The following NRXN3 variants were observed in gnomAD, a reference collection of about 807,000 sequenced individuals.
The protein encoded by NRXN3 is neurexin 3, also known as neurexin III.
Under a neutral mutation model 137.6 loss-of-function variants are expected in NRXN3, and 32 were observed. The observed-to-expected ratio is 0.23, with a 90% CI of 0.18 to 0.31. The LOEUF (loss-of-function observed/expected upper bound fraction) is 0.31. Ranked by LOEUF, NRXN3 falls within the 10% of genes least tolerant of loss-of-function variation. The pLI is 1.00. For missense variants in NRXN3, 1,574 were observed against 2,062.5 expected, an observed-to-expected ratio of 0.76 and a Z score of 4.59; for synonymous variants, 798 against 784.5, an observed-to-expected ratio of 1.02 and a Z score of -0.29.
At chr14:78,561,993 T>C (rs112813544) in intron 4 of NRXN3, among the ~76,000 whole-genome samples, 2,622 of 152,318 alleles carry the variant, frequency 0.017, 68 homozygotes, top group African/African-American at 0.06. Flanking sequence ...TGCACTCTTC[T>C]GCAATGTATC....
At chr14:78,273,535 G>T (rs550221389) in intron 2 of NRXN3, among the ~76,000 whole-genome samples, 1 of 152,182 alleles carries the variant, frequency 6.6e-6, no homozygotes, top group Non-Finnish European at 1.5e-5. Context: ...TCCTTGCCTT[G>T]CTGCCTCCCC....
At chr14:78,939,900 G>A (rs370732917) in intron 10 of NRXN3, among the ~76,000 whole-genome samples, 4 of 152,068 alleles carry the variant, frequency 2.6e-5, no homozygotes, top group South Asian at 4.1e-4. Flanking sequence ...TGCTCCCTAC[G>A]CTTTAATCCA....
chr14:79,048,852 G>A lies in NRXN3; in HGVS notation c.3262+60711G>A, dbSNP rs375658436. Among the ~76,000 whole-genome samples the A allele has an allele frequency of 3.3e-3, 486 of 148,142 alleles. 2 individuals are homozygous for A. The highest frequency in any genetic ancestry group is 0.011 in the African/African-American group (442 of 40,210). Reference sequence around the variant, plus strand: ...ATCCTGGCTAACACGGTGAAACCCCGTCTCTACTAAAAATACAAAAATTAG... The same window carrying A: ...ATCCTGGCTAACACGGTGAAACCCCATCTCTACTAAAAATACAAAAATTAG... On this transcript the variant is annotated intron_variant, in intron 15 of 20. Coordinates refer to ENST00000335750, the MANE Select transcript of NRXN3 (RefSeq NM_001330195.2).
intron 4 of NRXN3, among the ~76,000 whole-genome samples, chr14:78,562,352 G>A (rs577202458): frequency 5.6e-5 from 8 of 143,172 alleles, no homozygotes; most frequent in East Asian, 4.2e-4. Context: ...ACCCAAGATC[G>A]CGCCACTGCA....
chr14:79,058,594 G>T (rs1188676426), intron 15 of NRXN3, among the ~76,000 whole-genome samples: 4 of 152,098 alleles, frequency 2.6e-5, no homozygotes, highest in African/African-American at 9.7e-5. Context: ...TTTGATTCTA[G>T]ACATGAGAAA....
rs1222964616 is a variant in NRXN3, at chr14:79,485,205, A to G, written c.3444+17803A>G. Among the ~76,000 whole-genome samples, 3 of 152,122 alleles carry G rather than the reference A, an allele frequency of 2.0e-5. No homozygotes were observed. In the East Asian group the frequency reaches 5.8e-4, roughly 29 times the overall value. ...TTAAGAGCTCTGAATTCTGTTAAGA[A>G]TATTAAGGAACACAATTTTTAATCT... is the stretch of plus-strand genomic sequence containing the variant. On this transcript the variant is annotated intron_variant, in intron 16 of 20. Coordinates refer to ENST00000335750, the MANE Select transcript of NRXN3 (RefSeq NM_001330195.2).
At chr14:78,966,460 T>C in intron 12 of NRXN3, 54 bp downstream of exon 12, 1 of 1,536,428 alleles carries the variant, frequency 6.5e-7, no homozygotes, top group South Asian at 1.3e-5. Context: ...ACTGAAGCTC[T>C]ACGTAAAATA....
At chr14:79,073,965 C>T (rs2099691791) in intron 15 of NRXN3, among the ~76,000 whole-genome samples, 1 of 152,152 alleles carries the variant, frequency 6.6e-6, no homozygotes, top group Non-Finnish European at 1.5e-5. Flanking sequence ...CTCTGTAACA[C>T]ACGTAGAAAA....
At chr14:79,146,025 G>A (rs2153013091) in intron 15 of NRXN3, among the ~76,000 whole-genome samples, 1 of 152,270 alleles carries the variant, frequency 6.6e-6, no homozygotes, top group East Asian at 1.9e-4. Context: ...AGCTCTTCAT[G>A]GCTCTAAAAT....
intron 15 of NRXN3, among the ~76,000 whole-genome samples, chr14:78,999,231 C>A (rs557304452): frequency 6.6e-6 from 1 of 152,122 alleles, no homozygotes; most frequent in South Asian, 2.1e-4. Context: ...AATGAAGGAA[C>A]CTTGCATTAT....
chr14:78,320,153 T>G (rs1202749759), intron 4 of NRXN3, among the ~76,000 whole-genome samples: 1 of 152,210 alleles, frequency 6.6e-6, no homozygotes, highest in African/African-American at 2.4e-5. Context: ...CAGTCTGCTC[T>G]GAGAAAGGTT....
intron 10 of NRXN3, among the ~76,000 whole-genome samples, chr14:78,811,735 A>G (rs1297990670): frequency 6.6e-6 from 1 of 152,202 alleles, no homozygotes; most frequent in African/African-American, 2.4e-5. Context: ...AATAAAGCCC[A>G]ATTCTACTTT....
intron 4 of NRXN3, among the ~76,000 whole-genome samples, chr14:78,392,822 G>A (rs943607398): frequency 6.6e-6 from 1 of 152,114 alleles, no homozygotes; most frequent in Non-Finnish European, 1.5e-5. Context: ...TCAAATAAAA[G>A]TGTTTAATGC....
chr14:78,601,656 A>T (rs10151370), intron 4 of NRXN3, among the ~76,000 whole-genome samples: 5 of 151,786 alleles, frequency 3.3e-5, no homozygotes, highest in Non-Finnish European at 7.4e-5. Flanking sequence ...GGGTTTCACC[A>T]TGTTAGCCAG....
At chr14:79,147,567 C>G (rs1400192037) in intron 15 of NRXN3, among the ~76,000 whole-genome samples, 2 of 152,102 alleles carry the variant, frequency 1.3e-5, no homozygotes, top group Non-Finnish European at 2.9e-5. Context: ...TGTTAGGAAT[C>G]TTTTCTCTTT....
Position 79,667,781 on chromosome 14 carries a change from G to A in NRXN3, c.3616+3832G>A, listed in dbSNP as rs371873580. Among the ~76,000 whole-genome samples the A allele has an allele frequency of 4.2e-4, 64 of 152,046 alleles. 1 individual carries two copies. The South Asian group carries it at 0.011, about 26-fold the overall frequency. ...TCTGATTGTTGTCCCTATACAATGCGGTGGTAGGAACAAGGGAGGGGGGGT... is the reference window on the plus strand; with the variant it reads ...TCTGATTGTTGTCCCTATACAATGCAGTGGTAGGAACAAGGGAGGGGGGGT... On this transcript the variant is annotated intron_variant, in intron 17 of 20. Transcript: ENST00000335750.
At chr14:79,712,739 T>C (rs1603446699) in intron 19 of NRXN3, among the ~76,000 whole-genome samples, 1 of 152,198 alleles carries the variant, frequency 6.6e-6, no homozygotes, top group Non-Finnish European at 1.5e-5. Flanking sequence ...TTTTCTGTCT[T>C]GGAGGTCTCC....
chr14:78,474,394 T>C (rs1022716224), intron 4 of NRXN3, among the ~76,000 whole-genome samples: 4 of 152,300 alleles, frequency 2.6e-5, no homozygotes, highest in Admixed American at 2.6e-4. Flanking sequence ...ACCAATGTTA[T>C]ATTAACTGCT....
intron 15 of NRXN3, among the ~76,000 whole-genome samples, chr14:79,294,346 A>C (rs531070179): frequency 1.3e-5 from 2 of 152,326 alleles, no homozygotes; most frequent in Admixed American, 1.3e-4. Context: ...ACAACACATG[A>C]AATCAGTATT....
Sources: gnomAD v4.1 joint callset for allele counts (sites outside exome capture counted in the v4.1 genomes callset) on GRCh38, gnomAD v4.1.1 for gene constraint, MANE v1.5 for transcripts, NCBI Gene and HGNC (gene_info 2026-07-23, HGNC 2026-07-21) for gene names.